The following ANP32A variants were observed in gnomAD, a reference collection of about 807,000 sequenced individuals.
The protein encoded by ANP32A is acidic leucine-rich nuclear phosphoprotein 32 family member A.
In ANP32A, 1 loss-of-function variant was observed where a neutral mutation model predicts 33.9. The observed-to-expected ratio is 0.03, with a 90% CI of 0.01 to 0.14. The LOEUF is 0.14. ANP32A is among the 10% of genes least tolerant of loss of function. ANP32A has a pLI of 1.00. For synonymous variants in ANP32A, 115 were observed against 120.5 expected (o/e 0.95, Z 0.30); for missense variants, 155 against 306.0 (o/e 0.51, Z 3.68).
chr15:68,800,058 G>T (rs1894110257), intron 1 of ANP32A, among the ~76,000 whole-genome samples: 1 of 85,164 alleles, frequency 1.2e-5, no homozygotes, highest in Non-Finnish European at 2.5e-5. Context: ...TCCTGTCCCT[G>T]TATGAATCAC....
chr15:68,802,876 ACTC>A (rs1313322367), intron 1 of ANP32A, among the ~76,000 whole-genome samples: 6 of 150,596 alleles, frequency 4.0e-5, no homozygotes, highest in African/African-American at 1.5e-4. Context: ...CTGGTCTCGA[ACTC>A]CTGACCTCAG....
At chr15:68,788,006 G>A in intron 1 of ANP32A, 87 bp from the exon 2 acceptor site, 2 of 1,514,142 alleles carry the variant, frequency 1.3e-6, no homozygotes, top group Non-Finnish European at 1.8e-6. Flanking sequence ...AGAGAACAGG[G>A]AGACAGACGC....
chr15:68,783,902 G>T (rs1411864557), intron 4 of ANP32A, among the ~76,000 whole-genome samples: 1 of 152,074 alleles, frequency 6.6e-6, no homozygotes, highest in Non-Finnish European at 1.5e-5. Flanking sequence ...TCTAGCTCTG[G>T]ACCTCCTCTC....
Position 68,782,800 on chromosome 15 carries a change from C to G in ANP32A, c.624+156G>C. 3 of 1,331,348 alleles carry G rather than the reference C, an allele frequency of 2.3e-6. No homozygotes were observed. The Admixed American group carries it at 8.4e-5, about 37-fold the overall frequency. The allele number at this position is 1,331,348 out of a possible 1,614,324, so 82.5% of individuals were successfully genotyped here. A position where few individuals can be genotyped will look rare whatever the true frequency, so the allele number is the denominator to read the frequency against. On this transcript the variant is annotated intron_variant, in intron 5 of 6. Transcript: ENST00000465139. ...GCAAGTCTTGTCTCCCCAGAAACAG[C>G]CCAGTGAAAGGCTCTGAAATGGACT...
chr15:68,818,215 C>G (rs1371546720), intron 1 of ANP32A: 5 of 227,846 alleles, frequency 2.2e-5, no homozygotes. Flanking sequence ...GGAGGAGGGG[C>G]GGGGCGTGCG....
intron 1 of ANP32A, among the ~76,000 whole-genome samples, chr15:68,802,819 A>ATTTTTTTTTTTTTTTTTTT (rs1228755138): frequency 1.3e-5 from 2 of 151,784 alleles, no homozygotes; most frequent in Non-Finnish European, 2.9e-5. Flanking sequence ...TGCCCGGCTA[A>ATTTTTTTTTTTTTTTTTTT]TTTTTTATAT....
At chr15:68,808,393 C>T (rs1317739041) in intron 1 of ANP32A, among the ~76,000 whole-genome samples, 1 of 152,232 alleles carries the variant, frequency 6.6e-6, no homozygotes, top group Non-Finnish European at 1.5e-5. Context: ...TATGCTCCAT[C>T]ACTCCAGCTC....
At chr15:68,781,470 T>C (rs1203798722) in intron 5 of ANP32A, 2 of 138,596 alleles carry the variant, frequency 1.4e-5, no homozygotes, top group Admixed American at 1.5e-4. Flanking sequence ...CTTACTGCCC[T>C]GTTCTAGGGG....
Position 68,779,433 on chromosome 15 carries a change from T to A in ANP32A, c.*648A>T, listed in dbSNP as rs976994004. ...ACACAACAAGCCTGCGGTTTTCAGC[T>A]CTCTGGCTCATAAGCTCAAGAGTAA... On this transcript the variant is annotated 3_prime_UTR_variant, in exon 7 of 7. Transcript: ENST00000465139. 1 of 152,222 alleles carries A rather than the reference T, an allele frequency of 6.6e-6. No individual in the cohort carries two copies. Among genetic ancestry groups the A allele is most frequent in the Admixed American group, 6.5e-5 (1 of 15,282 alleles). 9.4% of individuals were successfully genotyped at this position (152,222 alleles called of 1,614,324 possible). A position where few individuals can be genotyped will look rare whatever the true frequency, so the allele number is the denominator to read the frequency against.
rs560180350 is a variant in ANP32A, at chr15:68,780,010, G to T, written c.*71C>A. ...AAGTTTCAGGGGGCAGGATTGGAGG[G>T]GGGGGGGAGAGGGGATATGGGTAAA... On this transcript the variant is annotated 3_prime_UTR_variant, in exon 7 of 7. Coordinates refer to ENST00000465139, the MANE Select transcript of ANP32A (RefSeq NM_006305.4). This position sits in a 1 kb window ranked among gnomAD's most constrained non-coding sequence, Gnocchi z 4.3. 3.7e-4 allele frequency: 527 copies of T among 1,408,274 alleles called. 1 individual carries two copies. The highest frequency in any genetic ancestry group is 2.1e-4 in the Middle Eastern group (1 of 4,812). The allele number at this position is 1,408,274 out of a possible 1,614,324, so 87.2% of individuals were successfully genotyped here.
intron 1 of ANP32A, among the ~76,000 whole-genome samples, chr15:68,814,059 C>T (rs548613606): frequency 5.4e-4 from 82 of 152,128 alleles, no homozygotes; most frequent in African/African-American, 1.8e-3. Context: ...TTACTAGAGA[C>T]GGGGTTTCAC....
chr15:68,814,602 C>G (rs1209260007), intron 1 of ANP32A, among the ~76,000 whole-genome samples: 1 of 152,054 alleles, frequency 6.6e-6, no homozygotes, highest in African/African-American at 2.4e-5. Flanking sequence ...TAGGATTTGT[C>G]CCCTTGAATT....
chr15:68,806,800 GA>G (rs1256781484), intron 1 of ANP32A, among the ~76,000 whole-genome samples: 7 of 152,356 alleles, frequency 4.6e-5, no homozygotes, highest in Admixed American at 1.3e-4. Flanking sequence ...GAAGTGGAAG[GA>G]ACGCCTGGGT....
Position 68,780,012 on chromosome 15 carries a change from G to C in ANP32A, c.*69C>G, listed in dbSNP as rs986611359. ...GTTTCAGGGGGCAGGATTGGAGGGG[G>C]GGGGGAGAGGGGATATGGGTAAAAA... On this transcript the variant is annotated 3_prime_UTR_variant, in exon 7 of 7. Transcript: ENST00000465139. The surrounding 1 kb of genome is among the most constrained non-coding windows in gnomAD (Gnocchi z 4.3). 86 of 1,420,088 alleles carry C rather than the reference G, an allele frequency of 6.1e-5. No homozygotes were observed. The highest frequency in any genetic ancestry group is 1.6e-4 in the South Asian group (13 of 82,574). 88.0% of individuals were successfully genotyped at this position (1,420,088 alleles called of 1,614,324 possible). A position where few individuals can be genotyped will look rare whatever the true frequency, so the allele number is the denominator to read the frequency against.
chr15:68,805,367 G>A (rs748143017), intron 1 of ANP32A, among the ~76,000 whole-genome samples: 5 of 152,208 alleles, frequency 3.3e-5, no homozygotes, highest in Middle Eastern at 3.2e-3. Flanking sequence ...CTGATCAACC[G>A]TCACAAATGT....
At chr15:68,796,737 G>C (rs1042300068) in intron 1 of ANP32A, among the ~76,000 whole-genome samples, 1 of 152,214 alleles carries the variant, frequency 6.6e-6, no homozygotes, top group Non-Finnish European at 1.5e-5. Context: ...CTGGGCTTTG[G>C]TCCGCCTTGC....
At chr15:68,783,402 A>G (rs527744061) in intron 4 of ANP32A, among the ~76,000 whole-genome samples, 8 of 152,150 alleles carry the variant, frequency 5.3e-5, no homozygotes, top group Admixed American at 3.3e-4. Context: ...GTTAAAGGTG[A>G]GAGATCTGAG....
intron 1 of ANP32A, chr15:68,801,740 A>T (rs12904108): frequency 0.29 from 45,157 of 154,348 alleles, 8,228 homozygotes; most frequent in South Asian, 0.5. Context: ...TTCCTATTAA[A>T]CTGTAGCACT....
At chr15:68,807,126 A>G (rs956240138) in intron 1 of ANP32A, among the ~76,000 whole-genome samples, 3 of 152,312 alleles carry the variant, frequency 2.0e-5, no homozygotes, top group East Asian at 1.9e-4. Context: ...AGTCCCCAGG[A>G]CTTTTACCTT....
Sources: gnomAD v4.1 joint callset for allele counts (sites outside exome capture counted in the v4.1 genomes callset) on GRCh38, gnomAD v4.1.1 for gene constraint, Gnocchi (gnomAD v3.1) non-coding constraint, MANE v1.5 for transcripts, NCBI Gene and HGNC (gene_info 2026-07-23, HGNC 2026-07-21) for gene names.